Variants in SHOC2 observed in about 807,000 individuals in gnomAD.
The protein encoded by SHOC2 is leucine-rich repeat protein SHOC-2.
In SHOC2, 4 loss-of-function variants were observed where a neutral mutation model predicts 50.2. The observed-to-expected ratio is 0.08, with a 90% CI of 0.04 to 0.18. The LOEUF (loss-of-function observed/expected upper bound fraction) is 0.18, where lower values mean the gene tolerates loss of function less well. Among genes scored for constraint, SHOC2 ranks in the 10% least tolerant of loss-of-function variants. SHOC2 has a pLI of 1.00. For missense variants in SHOC2, 388 were observed against 669.6 expected, an observed-to-expected ratio of 0.58 and a Z score of 4.64; for synonymous variants, 218 against 244.5, an observed-to-expected ratio of 0.89 and a Z score of 1.01.
intron 3 of SHOC2, among the ~76,000 whole-genome samples, chr10:110,992,678 A>G (rs575218010): frequency 6.6e-6 from 1 of 152,344 alleles, no homozygotes; most frequent in African/African-American, 2.4e-5. Context: ...TATATCAACA[A>G]GTAGCATTTT....
chr10:111,007,413 A>G, intron 5 of SHOC2, 118 bp from the exon 6 acceptor site: 1 of 1,168,348 alleles, frequency 8.6e-7, no homozygotes, highest in South Asian at 1.4e-5. Context: ...CTATATTTAA[A>G]TATCAAAAAG....
intron 1 of SHOC2, among the ~76,000 whole-genome samples, chr10:110,938,143 A>G (rs1226663850): frequency 6.6e-6 from 1 of 152,152 alleles, no homozygotes; most frequent in African/African-American, 2.4e-5. Context: ...TTGGTCCTAT[A>G]TGTTAAAAGA....
intron 1 of SHOC2, among the ~76,000 whole-genome samples, chr10:110,936,346 G>A (rs1564703800): frequency 6.6e-6 from 1 of 151,424 alleles, no homozygotes; most frequent in Non-Finnish European, 1.5e-5. Flanking sequence ...CAGGTGATCC[G>A]CCTGCCTTGG....
chr10:110,919,749 A>AGGG (rs1846571816), intron 1 of SHOC2, 92 bp downstream of exon 1: 1 of 394,168 alleles, frequency 2.5e-6, no homozygotes, highest in South Asian at 1.3e-4. Flanking sequence ...GGCTGTCGGT[A>AGGG]GGGGGAGGCC....
At position 110,928,821 on chromosome 10, in the gene SHOC2, G is replaced by A. The variant is rs1846829954; in HGVS notation, c.-235+9164G>A. On this transcript the variant is annotated intron_variant, in intron 1 of 8. Coordinates refer to ENST00000369452, the MANE Select transcript of SHOC2 (RefSeq NM_007373.4). ...GAGGTGGGAGGATGGCTGGAGCCTA[G>A]GAGGTGGAGGTTGCAGTGAGCCTAG... is the stretch of plus-strand genomic sequence containing the variant. Among the ~76,000 whole-genome samples the A allele has an allele frequency of 2.0e-5, 3 of 152,154 alleles. No homozygotes were observed. The South Asian group carries it at 6.2e-4, about 32-fold the overall frequency.
At chr10:111,008,957 T>C (rs1848518691) in intron 6 of SHOC2, among the ~76,000 whole-genome samples, 1 of 152,202 alleles carries the variant, frequency 6.6e-6, no homozygotes, top group African/African-American at 2.4e-5. Context: ...AATAGTTTCC[T>C]ATTAGATAAA....
intron 1 of SHOC2, among the ~76,000 whole-genome samples, chr10:110,931,293 C>G (rs1181834302): frequency 6.6e-6 from 1 of 152,066 alleles, no homozygotes; most frequent in Non-Finnish European, 1.5e-5. Context: ...AGCCTCTATC[C>G]CCTACCTCAG....
intron 1 of SHOC2, among the ~76,000 whole-genome samples, chr10:110,945,378 C>A (rs1249219097): frequency 6.6e-6 from 1 of 152,084 alleles, no homozygotes; most frequent in African/African-American, 2.4e-5. Context: ...TGTGAGCTGT[C>A]GTTTCTTCAA....
chr10:110,932,168 G>A (rs1846908352), intron 1 of SHOC2, among the ~76,000 whole-genome samples: 1 of 152,144 alleles, frequency 6.6e-6, no homozygotes, highest in Non-Finnish European at 1.5e-5. Context: ...GATAGAAGAC[G>A]CTGCCATGGG....
chr10:110,952,932 A>G (rs551647494), intron 1 of SHOC2, among the ~76,000 whole-genome samples: 1 of 152,290 alleles, frequency 6.6e-6, no homozygotes, highest in East Asian at 1.9e-4. Flanking sequence ...CATGGTATAT[A>G]TGTACCACAT....
chr10:110,934,879 A>G (rs887072596), intron 1 of SHOC2, among the ~76,000 whole-genome samples: 1 of 152,146 alleles, frequency 6.6e-6, no homozygotes. Flanking sequence ...TAGTCCATAC[A>G]TGCATGTGGT....
intron 1 of SHOC2, among the ~76,000 whole-genome samples, chr10:110,928,561 G>C (rs181764539): frequency 6.6e-6 from 1 of 152,086 alleles, no homozygotes; most frequent in South Asian, 2.1e-4. Flanking sequence ...CAGATAAAAG[G>C]TTTTATGATA....
In SHOC2 at chr10:111,011,862, A is replaced by G; in HGVS notation, c.*44A>G. On this transcript the variant is annotated 3_prime_UTR_variant, in exon 9 of 9. Coordinates refer to ENST00000369452, the MANE Select transcript of SHOC2 (RefSeq NM_007373.4). Reference sequence around the variant, plus strand: ...ACACACTGTTCAAAAATAGACTGCCATTAATGTTTCTTATCTATATCTGTA... The same window carrying G: ...ACACACTGTTCAAAAATAGACTGCCGTTAATGTTTCTTATCTATATCTGTA... 1 of 1,437,772 alleles carries G rather than the reference A, an allele frequency of 7.0e-7. No individual in the cohort carries two copies. The highest frequency in any genetic ancestry group is 9.8e-7 in the Non-Finnish European group (1 of 1,020,028). 89.1% of individuals were successfully genotyped at this position (1,437,772 alleles called of 1,614,324 possible). A position where few individuals can be genotyped will look rare whatever the true frequency, so the allele number is the denominator to read the frequency against.
At chr10:111,004,265 A>G (rs913653021) in intron 4 of SHOC2, among the ~76,000 whole-genome samples, 1 of 152,218 alleles carries the variant, frequency 6.6e-6, no homozygotes, top group Non-Finnish European at 1.5e-5. Flanking sequence ...GAAGTTTCAA[A>G]TTAGTCACCC....
intron 2 of SHOC2, among the ~76,000 whole-genome samples, chr10:110,979,741 G>T (rs1221856398): frequency 1.3e-5 from 2 of 152,114 alleles, no homozygotes; most frequent in Non-Finnish European, 2.9e-5. Flanking sequence ...ATTTTACGTA[G>T]ATGTCTCACT....
chr10:110,967,911 A>T (rs1847707374), intron 2 of SHOC2, among the ~76,000 whole-genome samples: 1 of 152,124 alleles, frequency 6.6e-6, no homozygotes, highest in Non-Finnish European at 1.5e-5. Context: ...TCTGACTGTT[A>T]TGAGTATAGT....
At chr10:110,946,157 C>T (rs1413903081) in intron 1 of SHOC2, among the ~76,000 whole-genome samples, 1 of 151,852 alleles carries the variant, frequency 6.6e-6, no homozygotes, top group Non-Finnish European at 1.5e-5. Flanking sequence ...TCCTTGATAT[C>T]TTATTATTGT....
chr10:110,957,201 G>A (rs182871824), intron 1 of SHOC2, among the ~76,000 whole-genome samples: 125 of 152,258 alleles, frequency 8.2e-4, no homozygotes, highest in Middle Eastern at 3.4e-3. Context: ...GATAAAATAT[G>A]TTATTGTAGT....
At position 111,004,593 on chromosome 10, in the gene SHOC2, A is replaced by G. The variant is rs1554862836; in HGVS notation, c.973-13A>G. The G allele has an allele frequency of 6.3e-7, 1 of 1,580,238 alleles. No homozygotes were observed. Among genetic ancestry groups the G allele is most frequent in the South Asian group, 1.1e-5 (1 of 90,328 alleles). ...CAGTTCTAATTCTTATGTTTATTTC[A>G]TTTTTTTTACAGAGTCTTTTATCAA... On this transcript the variant is annotated splice_polypyrimidine_tract_variant and intron_variant, in intron 4 of 8. Coordinates refer to ENST00000369452, the MANE Select transcript of SHOC2 (RefSeq NM_007373.4).
Sources: gnomAD v4.1 joint callset for allele counts (sites outside exome capture counted in the v4.1 genomes callset) on GRCh38, gnomAD v4.1.1 for gene constraint, MANE v1.5 for transcripts, NCBI Gene and HGNC (gene_info 2026-07-23, HGNC 2026-07-21) for gene names.